TRMT11: variants seen among roughly 807,000 people sequenced by gnomAD.
The protein encoded by TRMT11 is tRNA (guanine(10)-N(2))-methyltransferase TRMT11.
In TRMT11, 53 loss-of-function variants were observed where a neutral mutation model predicts 62.8. The observed-to-expected ratio is 0.84, with a 90% CI of 0.68 to 1.06. The LOEUF (loss-of-function observed/expected upper bound fraction) is 1.06. TRMT11 is among the 50% of genes least tolerant of loss of function. The pLI, the probability that TRMT11 is intolerant of heterozygous loss-of-function variation, is 0.00. For synonymous variants in TRMT11, 188 were observed against 190.3 expected, an observed-to-expected ratio of 0.99 and a Z score of 0.10; for missense variants, 556 against 553.4, an observed-to-expected ratio of 1.00 and a Z score of -0.05.
At chr6:126,110,456 A>T (rs185390007) in intron 17 of TRMT11, among the ~76,000 whole-genome samples, 1 of 152,276 alleles carries the variant, frequency 6.6e-6, no homozygotes, top group East Asian at 1.9e-4. Flanking sequence ...TTAGAAAATA[A>T]TTGCTTCTAA....
intron 21 of TRMT11, among the ~76,000 whole-genome samples, chr6:126,152,450 G>A (rs1480087028): frequency 6.6e-6 from 1 of 152,116 alleles, no homozygotes; most frequent in East Asian, 1.9e-4. Flanking sequence ...AGTGGTTTGG[G>A]AAGTCACTGC....
chr6:126,153,510 T>C (rs1562335467), intron 21 of TRMT11, among the ~76,000 whole-genome samples: 1 of 152,238 alleles, frequency 6.6e-6, no homozygotes, highest in African/African-American at 2.4e-5. Context: ...CTATCACATA[T>C]TGTAAAGTAA....
At chr6:126,117,918 A>G (rs1777608899) in intron 21 of TRMT11, among the ~76,000 whole-genome samples, 1 of 152,118 alleles carries the variant, frequency 6.6e-6, no homozygotes, top group Non-Finnish European at 1.5e-5. Flanking sequence ...AACGTAAGTT[A>G]TAATATGCGT....
At chr6:126,114,548 A>G (rs1777566848) in intron 18 of TRMT11, among the ~76,000 whole-genome samples, 1 of 152,044 alleles carries the variant, frequency 6.6e-6, no homozygotes, top group South Asian at 2.1e-4. Flanking sequence ...TGTTACTCCT[A>G]GAGGCTAAAA....
At chr6:125,986,694 A>T in intron 1 of TRMT11, 72 bp downstream of exon 1, 1 of 1,411,816 alleles carries the variant, frequency 7.1e-7, no homozygotes, top group African/African-American at 1.4e-5. Flanking sequence ...GGTGGAGGTG[A>T]TCTGCATAGC....
chr6:126,104,133 G>C (rs528975833), intron 17 of TRMT11, among the ~76,000 whole-genome samples: 23 of 152,274 alleles, frequency 1.5e-4, no homozygotes, highest in Middle Eastern at 6.8e-3. Flanking sequence ...AATAATCTTG[G>C]CTAAACAGCA....
In TRMT11 at chr6:125,999,443, T is replaced by C; in HGVS notation, c.523-14T>C. The stretch of plus-strand genomic sequence containing the variant: ...TGTATGGCTATACTAACATAAGAAA[T>C]ATCTCTGATTTAGATTGCAGATGGA... On this transcript the variant is annotated splice_polypyrimidine_tract_variant and intron_variant, in intron 6 of 12. Coordinates refer to ENST00000334379, the MANE Select transcript of TRMT11 (RefSeq NM_001031712.3). 1 of 1,581,030 alleles carries C rather than the reference T, an allele frequency of 6.3e-7. No homozygotes were observed. The highest frequency in any genetic ancestry group is 1.2e-5 in the South Asian group (1 of 85,978).
chr6:126,128,046 C>T (rs934341407), intron 21 of TRMT11, among the ~76,000 whole-genome samples: 4 of 151,896 alleles, frequency 2.6e-5, no homozygotes, highest in African/African-American at 9.7e-5. Flanking sequence ...TTAATTCTGC[C>T]TATTGTAGTG....
chr6:126,016,173 T>C (rs772851021), intron 11 of TRMT11, among the ~76,000 whole-genome samples: 7 of 152,236 alleles, frequency 4.6e-5, no homozygotes, highest in Non-Finnish European at 1.0e-4. Context: ...CTTTTTTCCA[T>C]CATTTCTTTT....
chr6:126,253,121 A>C, the TRMT11 span, among the ~76,000 whole-genome samples: 1 of 152,180 alleles, frequency 6.6e-6, no homozygotes, highest in South Asian at 2.1e-4. Flanking sequence ...ACAAGTTATA[A>C]TCTAAAATGT....
chr6:126,264,992 T>C, the TRMT11 span, among the ~76,000 whole-genome samples: 1 of 152,218 alleles, frequency 6.6e-6, no homozygotes, highest in Non-Finnish European at 1.5e-5. Context: ...GGTTCAGATC[T>C]AGTTCTGTTG....
chr6:126,230,758 A>C, the TRMT11 span, among the ~76,000 whole-genome samples: 1 of 152,170 alleles, frequency 6.6e-6, no homozygotes, highest in African/African-American at 2.4e-5. Context: ...AATATATAAA[A>C]TATATTAAAT....
chr6:126,241,545 A>G, the TRMT11 span, among the ~76,000 whole-genome samples: 5 of 152,244 alleles, frequency 3.3e-5, no homozygotes, highest in Admixed American at 6.5e-5. Context: ...AAAATCCTCA[A>G]TAAAATACTG....
chr6:126,161,658 C>T (rs1345891489), intron 21 of TRMT11, among the ~76,000 whole-genome samples: 1 of 152,232 alleles, frequency 6.6e-6, no homozygotes, highest in Non-Finnish European at 1.5e-5. Flanking sequence ...AATTGCCACT[C>T]TGTCTTCCAC....
intron 21 of TRMT11, among the ~76,000 whole-genome samples, chr6:126,141,375 A>G (rs1217414395): frequency 1.3e-5 from 2 of 152,170 alleles, no homozygotes; most frequent in Non-Finnish European, 2.9e-5. Context: ...AGTCAAAAGT[A>G]TTTGTGTTTT....
intron 17 of TRMT11, among the ~76,000 whole-genome samples, chr6:126,081,813 G>A (rs1777162058): frequency 6.6e-6 from 1 of 152,130 alleles, no homozygotes; most frequent in Non-Finnish European, 1.5e-5. Context: ...TGGGCCTTAT[G>A]TTCCAGCAGA....
At chr6:126,187,879 G>A (rs914768884) in intron 1 of TRMT11, among the ~76,000 whole-genome samples, 1 of 131,246 alleles carries the variant, frequency 7.6e-6, no homozygotes, top group Admixed American at 6.9e-5. Context: ...TAGAGGAAAG[G>A]AATCTTTTTA....
intron 21 of TRMT11, among the ~76,000 whole-genome samples, chr6:126,126,952 A>G (rs1777726018): frequency 6.6e-6 from 1 of 152,138 alleles, no homozygotes; most frequent in Non-Finnish European, 1.5e-5. Flanking sequence ...AAAAAAATAA[A>G]TCTTTGTTCC....
chr6:126,169,595 A>G (rs1014816148), intron 21 of TRMT11, among the ~76,000 whole-genome samples: 13 of 152,322 alleles, frequency 8.5e-5, no homozygotes, highest in Admixed American at 8.5e-4. Context: ...CCTGTCTCTC[A>G]TGCTGTGGTA....
Sources: gnomAD v4.1 joint callset for allele counts (sites outside exome capture counted in the v4.1 genomes callset) on GRCh38, gnomAD v4.1.1 for gene constraint, MANE v1.5 for transcripts, NCBI Gene and HGNC (gene_info 2026-07-23, HGNC 2026-07-21) for gene names.